Variants in DACH2 observed in about 807,000 individuals in gnomAD.
DACH2 encodes the protein dachshund homolog 2.
In DACH2, 17 loss-of-function variants were observed where a neutral mutation model predicts 35.8. The ratio of observed to expected loss-of-function variants is 0.48; its 90% CI spans 0.33 to 0.71. DACH2 has a LOEUF of 0.71. Among genes scored for constraint, DACH2 ranks in the 30% least tolerant of loss-of-function variants. The pLI, the probability that DACH2 is intolerant of heterozygous loss-of-function variation, is 0.02. For missense variants in DACH2, 469 were observed against 472.7 expected, an observed-to-expected ratio of 0.99 and a Z score of 0.07; for synonymous variants, 195 against 177.3, an observed-to-expected ratio of 1.10 and a Z score of -0.79.
chrX:86,566,041 T>G (rs893771711), intron 3 of DACH2, among the ~76,000 whole-genome samples: 1 of 112,113 alleles, frequency 8.9e-6, no homozygotes, highest in Non-Finnish European at 1.9e-5. Context: ...TAACACTGTG[T>G]GTTAAATGCA....
chrX:86,555,977 A>T (rs1393441700), intron 3 of DACH2, among the ~76,000 whole-genome samples: 1 of 111,511 alleles, frequency 9.0e-6, no homozygotes, highest in East Asian at 2.8e-4. Context: ...TAATAGCAAG[A>T]TTTCCCAACC....
At chrX:86,753,176 A>G (rs1377385007) in intron 7 of DACH2, among the ~76,000 whole-genome samples, 1 of 110,806 alleles carries the variant, frequency 9.0e-6, no homozygotes, top group East Asian at 2.8e-4. Context: ...AGTCTGTTAT[A>G]TGTGTTATTA....
chrX:86,414,914 A>C (rs765229695), intron 2 of DACH2, among the ~76,000 whole-genome samples: 1 of 111,803 alleles, frequency 8.9e-6, no homozygotes, highest in African/African-American at 3.2e-5. Flanking sequence ...AGGGTTCCCT[A>C]GAGGGACAGG....
chrX:86,656,821 A>G lies in DACH2; in HGVS notation c.772+5654A>G, dbSNP rs749376686. On this transcript the variant is annotated intron_variant, in intron 4 of 11. Transcript: ENST00000373125. ...ACTGTCCAATTAATCAAGCCATAAA[A>G]TACATACATATGTATTAAAATACAT... Among the ~76,000 whole-genome samples, 3 of 98,078 alleles carry G rather than the reference A, an allele frequency of 3.1e-5. No individual in the cohort carries two copies. In the East Asian group the frequency reaches 9.7e-4, roughly 32 times the overall value. 85.2% of individuals were successfully genotyped at this position (98,078 alleles called of 115,157 possible). A position where few individuals can be genotyped will look rare whatever the true frequency, so the allele number is the denominator to read the frequency against.
intron 7 of DACH2, among the ~76,000 whole-genome samples, chrX:86,761,490 G>T (rs1048765768): frequency 9.0e-6 from 1 of 111,326 alleles, no homozygotes; most frequent in Admixed American, 9.5e-5. Flanking sequence ...TCAGTGTGGC[G>T]ATTCCTCAAG....
chrX:86,401,759 G>A (rs752588296), intron 2 of DACH2, among the ~76,000 whole-genome samples: 2 of 106,340 alleles, frequency 1.9e-5, no homozygotes, highest in Non-Finnish European at 3.8e-5. Flanking sequence ...TTAATGCCCC[G>A]ATGAACATAG....
chrX:86,417,625 C>T (rs1234230109), intron 2 of DACH2, among the ~76,000 whole-genome samples: 3 of 111,228 alleles, frequency 2.7e-5, no homozygotes, highest in Non-Finnish European at 5.7e-5. Flanking sequence ...TCAGTCATGT[C>T]CCACCAGATT....
chrX:86,178,034 TC>T (rs1275415396), intron 1 of DACH2, among the ~76,000 whole-genome samples: 1 of 111,501 alleles, frequency 9.0e-6, no homozygotes, highest in African/African-American at 3.2e-5. Flanking sequence ...ATATTTGAAA[TC>T]CGATGACATT....
intron 3 of DACH2, among the ~76,000 whole-genome samples, chrX:86,597,873 C>T (rs1450362727): frequency 9.0e-6 from 1 of 111,604 alleles, no homozygotes; most frequent in Admixed American, 9.6e-5. Context: ...TCCGTTTTCA[C>T]ACTGCTGATA....
At chrX:86,575,983 G>A (rs149383435) in intron 3 of DACH2, among the ~76,000 whole-genome samples, 134 of 111,984 alleles carry the variant, frequency 1.2e-3, no homozygotes, top group African/African-American at 4.2e-3. Context: ...CAGTGAACCT[G>A]CAAGATGTTA....
intron 1 of DACH2, among the ~76,000 whole-genome samples, chrX:86,340,359 A>G (rs759343677): frequency 2.7e-5 from 3 of 111,691 alleles, no homozygotes; most frequent in Non-Finnish European, 5.6e-5. Flanking sequence ...ATCTATGGTC[A>G]GTGATCTTTG....
chrX:86,315,221 A>G (rs1569344823), intron 1 of DACH2, among the ~76,000 whole-genome samples: 1 of 112,225 alleles, frequency 8.9e-6, no homozygotes, highest in Non-Finnish European at 1.9e-5. Context: ...TGCTATGCAA[A>G]TGGCACAAAA....
intron 2 of DACH2, among the ~76,000 whole-genome samples, chrX:86,453,457 G>T (rs1037492480): frequency 3.6e-5 from 4 of 111,269 alleles, no homozygotes; most frequent in African/African-American, 1.3e-4. Context: ...AAGTTTTTTT[G>T]TAGGTCTCTA....
intron 5 of DACH2, among the ~76,000 whole-genome samples, chrX:86,709,639 C>T (rs1239428263): frequency 1.8e-5 from 2 of 111,711 alleles, no homozygotes; most frequent in African/African-American, 6.5e-5. Flanking sequence ...AAAGTCTTTG[C>T]ACAACTCATA....
chrX:86,323,719 C>T (rs1050836890), intron 1 of DACH2, among the ~76,000 whole-genome samples: 4 of 111,351 alleles, frequency 3.6e-5, no homozygotes, highest in African/African-American at 1.3e-4. Context: ...GCTCCAGGAC[C>T]TATTCCAGCC....
intron 3 of DACH2, among the ~76,000 whole-genome samples, chrX:86,647,147 A>T (rs1222379997): frequency 1.8e-5 from 2 of 110,439 alleles, no homozygotes; most frequent in African/African-American, 6.5e-5. Flanking sequence ...AAATAGAACT[A>T]TCATACCATC....
chrX:86,783,747 A>ATAGCATATTCTCACTTATT (rs1491198652), intron 7 of DACH2, among the ~76,000 whole-genome samples: 3 of 111,620 alleles, frequency 2.7e-5, no homozygotes, highest in African/African-American at 3.3e-5. Flanking sequence ...AAAGTCAAAC[A>ATAGCATATTCTCACTTATT]TAGCATATTC....
At chrX:86,293,688 A>C (rs930297189) in intron 1 of DACH2, among the ~76,000 whole-genome samples, 5 of 110,355 alleles carry the variant, frequency 4.5e-5, no homozygotes, top group Admixed American at 3.9e-4. Context: ...TATGAAGCTT[A>C]GTTTGGCTGG....
At chrX:86,254,936 CAT>C (rs750876438) in intron 1 of DACH2, among the ~76,000 whole-genome samples, 31 of 107,106 alleles carry the variant, frequency 2.9e-4, no homozygotes, top group Admixed American at 1.8e-3. Context: ...GAAAAATGCA[CAT>C]AGAGGCAGGT....
Sources: gnomAD v4.1 joint callset for allele counts (sites outside exome capture counted in the v4.1 genomes callset) on GRCh38, gnomAD v4.1.1 for gene constraint, MANE v1.5 for transcripts, NCBI Gene and HGNC (gene_info 2026-07-23, HGNC 2026-07-21) for gene names.